Variants in NPC1 observed in about 807,000 individuals in gnomAD.
NPC1 encodes NPC intracellular cholesterol transporter 1.
NPC1 carries 85 observed loss-of-function variants against 140.4 expected under a neutral mutation model. The observed-to-expected ratio is 0.61, with a 90% CI of 0.51 to 0.72. The LOEUF is 0.72. NPC1 is among the 30% of genes least tolerant of loss of function. The pLI is 0.00. For synonymous variants in NPC1, 656 were observed against 624.8 expected (o/e 1.05, Z -0.74); for missense variants, 1,504 against 1,623.8 (o/e 0.93, Z 1.27).
chr18:23,537,491 A>C (rs1275030626), intron 20 of NPC1, among the ~76,000 whole-genome samples: 4 of 152,220 alleles, frequency 2.6e-5, no homozygotes, highest in Non-Finnish European at 4.4e-5. Flanking sequence ...TGTAATAGGA[A>C]GCAGGAAAGG....
downstream of NPC1, chr18:23,528,872 G>A (rs993362481): frequency 2.1e-5 from 5 of 242,810 alleles, no homozygotes; most frequent in Admixed American, 5.3e-5. Context: ...TAATCTGCAC[G>A]GATCTGAACT....
At chr18:23,582,989 G>A (rs1000622891) in intron 1 of NPC1, among the ~76,000 whole-genome samples, 1 of 151,356 alleles carries the variant, frequency 6.6e-6, no homozygotes, top group African/African-American at 2.4e-5. Context: ...TGCACCTGCA[G>A]TCCCAGCTAC....
In NPC1 at chr18:23,532,221, T is replaced by C. The variant is rs374032318; in HGVS notation, c.3818A>G (p.Glu1273Gly). Residue 1273 changes from glutamate (E) to glycine (G), a missense_variant, in exon 25 of 25, where the codon GAA (glutamate) becomes GGA (glycine). Transcript: ENST00000269228. ...TEERYKGTER[E>G]RLLNF ...AGAGGGCTAGAAATTTAGAAGCCGT[T>C]CGCGCTCTGTTCCTTTGTATCGCTC... 8 of 1,614,072 alleles carry C rather than the reference T, an allele frequency of 5.0e-6. No homozygotes were observed. The Admixed American group carries it at 1.3e-4, about 27-fold the overall frequency.
At position 23,561,490 on chromosome 18, in the gene NPC1, T is replaced by C. The variant is rs202148667; in HGVS notation, c.501A>G (p.Ser167=). ...YNACRDVEAP[S]SNDKALGLLC... ...GGAGTCCCAGGGCCTTGTCATTACT[T>C]GAGGGGGCCTCCACATCCCGGCAGG... Residue 167 remains serine (S), a synonymous_variant, in exon 5 of 25, where the codon TCA becomes TCG. Coordinates refer to ENST00000269228, the MANE Select transcript of NPC1 (RefSeq NM_000271.5). 428 of 1,614,100 alleles carry C rather than the reference T, an allele frequency of 2.7e-4. 3 individuals are homozygous for C. In the East Asian group the frequency reaches 8.4e-3, roughly 32 times the overall value.
chr18:23,540,142 C>T, intron 17 of NPC1, 141 bp from the exon 18 acceptor site: 2 of 760,744 alleles, frequency 2.6e-6, no homozygotes, highest in South Asian at 1.5e-5. Flanking sequence ...CCTAACACCA[C>T]CAGTCTTCCC....
intron 5 of NPC1, among the ~76,000 whole-genome samples, chr18:23,560,772 A>G (rs2059027250): frequency 6.6e-6 from 1 of 152,184 alleles, no homozygotes; most frequent in African/African-American, 2.4e-5. Flanking sequence ...TCAGGAGCTA[A>G]TACTATAGCA....
intron 3 of NPC1, among the ~76,000 whole-genome samples, chr18:23,569,902 C>G (rs2059177305): frequency 6.6e-6 from 1 of 152,234 alleles, no homozygotes; most frequent in South Asian, 2.1e-4. Flanking sequence ...AAAGAGCTCT[C>G]TTTTCCCTTT....
intron 1 of NPC1, among the ~76,000 whole-genome samples, chr18:23,523,739 A>G (rs1161783017): frequency 6.6e-6 from 1 of 151,988 alleles, no homozygotes. Flanking sequence ...AAAAAAGATA[A>G]TTAAGCTACA....
intron 1 of NPC1, among the ~76,000 whole-genome samples, chr18:23,575,258 C>T (rs1416109601): frequency 6.6e-6 from 1 of 152,202 alleles, no homozygotes; most frequent in Non-Finnish European, 1.5e-5. Context: ...ATAAAGATGG[C>T]CCACTGCTGT....
At chr18:23,566,315 T>G (rs981157130) in intron 4 of NPC1, among the ~76,000 whole-genome samples, 1 of 152,136 alleles carries the variant, frequency 6.6e-6, no homozygotes, top group Admixed American at 6.5e-5. Context: ...ACCTAGGAGG[T>G]TGAGGCTGCA....
At chr18:23,577,666 G>A (rs1024206829) in intron 1 of NPC1, among the ~76,000 whole-genome samples, 7 of 152,252 alleles carry the variant, frequency 4.6e-5, no homozygotes, top group African/African-American at 7.2e-5. Context: ...GGGACTGGGC[G>A]CCGTGGAGCA....
chr18:23,520,783 C>T (rs572903740), downstream of NPC1, among the ~76,000 whole-genome samples: 10 of 151,858 alleles, frequency 6.6e-5, no homozygotes, highest in East Asian at 1.2e-3. Context: ...AGTATTCAAT[C>T]GCTTAAATAC....
chr18:23,582,953 T>A (rs1403200628), intron 1 of NPC1, among the ~76,000 whole-genome samples: 1 of 150,570 alleles, frequency 6.6e-6, no homozygotes, highest in Non-Finnish European at 1.5e-5. Flanking sequence ...TACAAAAAAT[T>A]TAAAAATTAG....
chr18:23,568,719 T>G (rs2145525644), intron 4 of NPC1, 104 bp downstream of exon 4: 1 of 925,858 alleles, frequency 1.1e-6, no homozygotes, highest in Non-Finnish European at 1.8e-6. Context: ...CCAATGGAAC[T>G]GAAAATTGTG....
At chr18:23,578,720 A>G (rs1010481567) in intron 1 of NPC1, among the ~76,000 whole-genome samples, 3 of 152,218 alleles carry the variant, frequency 2.0e-5, no homozygotes, top group African/African-American at 7.2e-5. Flanking sequence ...CTCCAGCAGC[A>G]CTTTCCACTA....
chr18:23,514,866 G>A (rs1395124257), intron 3 of NPC1, among the ~76,000 whole-genome samples: 2 of 152,166 alleles, frequency 1.3e-5, no homozygotes, highest in Admixed American at 6.6e-5. Context: ...GACTTGCGCA[G>A]CAGTTCTTCA....
chr18:23,531,684 A>G lies in NPC1; in HGVS notation c.*518T>C, dbSNP rs751618341. 6.2e-7 allele frequency: 1 copy of G among 1,613,244 alleles called. No individual in the cohort carries two copies. Among genetic ancestry groups the G allele is most frequent in the Admixed American group, 1.7e-5 (1 of 59,872 alleles). ...ACAGATTTTTGGAGACCAAGCTCTAATGAGGCCTACAACATTCTGAAATCA... is the reference window on the plus strand; with the variant it reads ...ACAGATTTTTGGAGACCAAGCTCTAGTGAGGCCTACAACATTCTGAAATCA... On this transcript the variant is annotated 3_prime_UTR_variant, in exon 25 of 25. Coordinates refer to ENST00000269228, the MANE Select transcript of NPC1 (RefSeq NM_000271.5).
chr18:23,552,586 T>C (rs2058889481), intron 9 of NPC1, among the ~76,000 whole-genome samples: 1 of 152,064 alleles, frequency 6.6e-6, no homozygotes, highest in East Asian at 1.9e-4. Flanking sequence ...GAACAGTAAG[T>C]GGAGATGTTA....
chr18:23,537,323 C>T (rs2058646990), intron 20 of NPC1, among the ~76,000 whole-genome samples: 1 of 152,190 alleles, frequency 6.6e-6, no homozygotes, highest in African/African-American at 2.4e-5. Context: ...GTGATCCGCC[C>T]ACCTCGGCCT....
Sources: allele counts gnomAD v4.1 joint callset (sites outside exome capture counted in the v4.1 genomes callset), GRCh38; gene constraint gnomAD v4.1.1; transcripts MANE v1.5; gene names NCBI Gene and HGNC (gene_info 2026-07-23, HGNC 2026-07-21).